The following COG6 variants were observed in gnomAD, a reference collection of about 807,000 sequenced individuals.
COG6 encodes conserved oligomeric Golgi complex subunit 6.
A neutral mutation model predicts 88.8 loss-of-function variants in COG6; 74 were observed. That is an observed-to-expected ratio of 0.83 (90% CI 0.69 to 1.01). COG6 has a LOEUF of 1.01. Ranked by LOEUF, COG6 falls within the 50% of genes least tolerant of loss-of-function variation. COG6 has a pLI of 0.00. For synonymous variants in COG6, 286 were observed against 278.7 expected (o/e 1.03, Z -0.26); for missense variants, 800 against 797.9 (o/e 1.00, Z -0.03).
intron 12 of COG6, 81 bp from the exon 13 acceptor site, chr13:39,699,420 C>A (rs914130261): frequency 7.2e-6 from 5 of 696,636 alleles, no homozygotes; most frequent in Non-Finnish European, 1.3e-5. Context: ...AAATCTAGAT[C>A]CTTTTAAAGC....
intron 18 of COG6, among the ~76,000 whole-genome samples, chr13:39,785,246 T>G (rs1881738317): frequency 6.6e-6 from 1 of 152,204 alleles, no homozygotes; most frequent in Non-Finnish European, 1.5e-5. Context: ...AGTAAACTCC[T>G]TGGCATTCTG....
chr13:39,746,258 C>A (rs1448988723), intron 18 of COG6, among the ~76,000 whole-genome samples: 1 of 151,654 alleles, frequency 6.6e-6, no homozygotes, highest in Non-Finnish European at 1.5e-5. Flanking sequence ...TTACTTCCCC[C>A]TTTCAACTGG....
chr13:39,685,541 G>A (rs375340090), intron 8 of COG6, among the ~76,000 whole-genome samples: 17 of 152,176 alleles, frequency 1.1e-4, no homozygotes, highest in East Asian at 3.9e-4. Flanking sequence ...TACAGCTGTC[G>A]TCCCAGTGGA....
At chr13:39,726,652 CCTTA>C (rs1288366560) in intron 17 of COG6, among the ~76,000 whole-genome samples, 1 of 151,866 alleles carries the variant, frequency 6.6e-6, no homozygotes, top group East Asian at 1.9e-4. Context: ...CAGATTTCTC[CCTTA>C]CTTAAATTCA....
intron 13 of COG6, among the ~76,000 whole-genome samples, chr13:39,700,840 G>A (rs866334924): frequency 3.9e-5 from 6 of 152,036 alleles, no homozygotes; most frequent in Middle Eastern, 6.8e-3. Flanking sequence ...TTACAGAGAG[G>A]AAGCTTTCCA....
rs9532421 is a variant in COG6, at chr13:39,724,668, C to T, written c.1746+107C>T. ...CTGGGTGACACTTTTTATCTCTTGA[C>T]ATGCTGTATTAACGTTGGGTCCAAT... is the stretch of plus-strand genomic sequence containing the variant. On this transcript the variant is annotated intron_variant, in intron 17 of 18. Coordinates refer to ENST00000455146, the MANE Select transcript of COG6 (RefSeq NM_020751.3). 1 allele frequency: 852,484 copies of T among 853,210 alleles called. 425,883 individuals are homozygous for T. The highest frequency in any genetic ancestry group is 1 in the Middle Eastern group (3,064 of 3,064). 52.9% of individuals were successfully genotyped at this position (853,210 alleles called of 1,614,324 possible). A position where few individuals can be genotyped will look rare whatever the true frequency, so the allele number is the denominator to read the frequency against.
In COG6 at chr13:39,679,999, C is replaced by G. The variant is rs530483381; in HGVS notation, c.648C>G (p.Ala216=). 3.2e-6 allele frequency: 5 copies of G among 1,581,766 alleles called. No individual in the cohort carries two copies. The highest frequency in any genetic ancestry group is 1.7e-5 in the Admixed American group (1 of 59,882). ...GTTTAGAAATTATGGAACAGATGGC[C>G]TTACTTCAAGAAACGGCTTATGAAA... The part of the protein sequence containing the change: ...TAGLEIMEQM[A]LLQETAYERL... Residue 216 remains alanine, a synonymous_variant, in exon 7 of 19, where the codon GCC becomes GCG. Coordinates refer to ENST00000455146, the MANE Select transcript of COG6 (RefSeq NM_020751.3).
intron 4 of COG6, among the ~76,000 whole-genome samples, chr13:39,670,450 C>G (rs924234703): frequency 9.9e-5 from 15 of 152,032 alleles, no homozygotes; most frequent in African/African-American, 3.6e-4. Flanking sequence ...AGACAAAAAT[C>G]TGAATCTTAA....
intron 18 of COG6, among the ~76,000 whole-genome samples, chr13:39,777,271 G>A (rs1012316334): frequency 6.6e-6 from 1 of 152,096 alleles, no homozygotes; most frequent in South Asian, 2.1e-4. Flanking sequence ...GGAGCACAGA[G>A]GGGGGTGTCC....
downstream of COG6, among the ~76,000 whole-genome samples, chr13:39,754,524 A>G (rs932469004): frequency 1.3e-5 from 2 of 152,082 alleles, no homozygotes; most frequent in African/African-American, 4.8e-5. Flanking sequence ...GGTTGTTAGT[A>G]CTCTTAAATA....
intron 15 of COG6, among the ~76,000 whole-genome samples, chr13:39,720,528 T>A (rs984602225): frequency 2.6e-5 from 4 of 152,078 alleles, no homozygotes; most frequent in African/African-American, 9.7e-5. Context: ...ATATCTAAAT[T>A]CATATTTTCT....
At chr13:39,735,297 C>T (rs1879676931) in intron 18 of COG6, among the ~76,000 whole-genome samples, 1 of 151,990 alleles carries the variant, frequency 6.6e-6, no homozygotes. Flanking sequence ...TACCATGAAG[C>T]TTCCAAATAA....
At chr13:39,663,813 A>C (rs1029202352) in intron 3 of COG6, among the ~76,000 whole-genome samples, 34 of 151,612 alleles carry the variant, frequency 2.2e-4, no homozygotes, top group African/African-American at 8.2e-4. Flanking sequence ...GCTTGGGCCC[A>C]GGAGGTCAAG....
chr13:39,739,031 T>C (rs374344965), intron 18 of COG6, among the ~76,000 whole-genome samples: 39 of 152,190 alleles, frequency 2.6e-4, no homozygotes, highest in African/African-American at 9.1e-4. Context: ...CTTTACCTAA[T>C]AGAAATATTT....
chr13:39,784,162 T>C (rs1030590881), intron 18 of COG6, among the ~76,000 whole-genome samples: 19 of 152,138 alleles, frequency 1.2e-4, no homozygotes, highest in Non-Finnish European at 2.1e-4. Context: ...TCACCTTCAT[T>C]GATGAGCCAA....
At chr13:39,790,090 T>A (rs977177998) in exon 19 of COG6, 1 of 152,224 alleles carries the variant, frequency 6.6e-6, no homozygotes, top group Non-Finnish European at 1.5e-5. Flanking sequence ...TGAAATACAC[T>A]TTTCATTTAT....
intron 5 of COG6, 134 bp from the exon 6 acceptor site, chr13:39,679,404 A>G: frequency 1.5e-6 from 1 of 671,912 alleles, no homozygotes; most frequent in Non-Finnish European, 2.7e-6. Context: ...ACTTAGAGAA[A>G]GTTGAGATCA....
downstream of COG6, among the ~76,000 whole-genome samples, chr13:39,755,754 T>C (rs1317788509): frequency 6.6e-6 from 1 of 152,194 alleles, no homozygotes; most frequent in Non-Finnish European, 1.5e-5. Context: ...GTCCAAGACA[T>C]GTCCCAACAG....
At chr13:39,663,432 A>G (rs1326392865) in intron 3 of COG6, among the ~76,000 whole-genome samples, 5 of 152,214 alleles carry the variant, frequency 3.3e-5, no homozygotes, top group African/African-American at 9.7e-5. Flanking sequence ...ATGTAAACAT[A>G]TCTTTGACTT....
Sources: allele counts gnomAD v4.1 joint callset (sites outside exome capture counted in the v4.1 genomes callset), GRCh38; gene constraint gnomAD v4.1.1; transcripts MANE v1.5; gene names NCBI Gene and HGNC (gene_info 2026-07-23, HGNC 2026-07-21).